The following MAP3K5 variants were observed in gnomAD, a reference collection of about 807,000 sequenced individuals.
MAP3K5 encodes the protein mitogen-activated protein kinase kinase kinase 5.
MAP3K5 carries 56 observed loss-of-function variants against 158.7 expected under a neutral mutation model. The ratio of observed to expected loss-of-function variants is 0.35; its 90% CI spans 0.28 to 0.44. The LOEUF is 0.44. Ranked by LOEUF, MAP3K5 falls within the 20% of genes least tolerant of loss-of-function variation. The pLI is 1.00. For synonymous variants in MAP3K5, 579 were observed against 601.7 expected, an observed-to-expected ratio of 0.96 and a Z score of 0.55; for missense variants, 1,294 against 1,674.8, an observed-to-expected ratio of 0.77 and a Z score of 3.97.
In MAP3K5 at chr6:136,764,410, G is replaced by A. The variant is rs142595834; in HGVS notation, c.448+27300C>T. On this transcript the variant is annotated intron_variant, in intron 1 of 29. Transcript: ENST00000359015. The stretch of plus-strand genomic sequence containing the variant: ...CCCTCTCAGAACACAGATACCATGA[G>A]AGAAGTCCAACCGGGTCATGTGGAG... Among the ~76,000 whole-genome samples the A allele has an allele frequency of 6.6e-5, 10 of 152,286 alleles. No individual in the cohort carries two copies. In the East Asian group the frequency reaches 1.7e-3, roughly 26 times the overall value.
At chr6:136,742,089 C>T (rs1390925564) in intron 1 of MAP3K5, among the ~76,000 whole-genome samples, 1 of 152,128 alleles carries the variant, frequency 6.6e-6, no homozygotes, top group African/African-American at 2.4e-5. Context: ...CCTATATATT[C>T]AATGCAATCT....
chr6:136,625,502 A>G (rs9385769), intron 14 of MAP3K5, among the ~76,000 whole-genome samples: 10,368 of 152,266 alleles, frequency 0.068, 1,028 homozygotes, highest in African/African-American at 0.22. Context: ...ACAAAAAGAA[A>G]GCTGGTTTGT....
At position 136,613,191 on chromosome 6, in the gene MAP3K5, A is replaced by G; in HGVS notation, c.2344T>C (p.Phe782Leu). The change falls in exon 17 of 30, where the codon TTT (phenylalanine) becomes CTT (leucine). Residue 782 changes from phenylalanine to leucine, a missense_variant. Phe to Leu is a conservative substitution (Grantham distance 22, BLOSUM62 0). Around this residue, in one of 5 missense-constraint regions of MAP3K5, gnomAD observed 41 missense variants for 98.2 expected, o/e 0.42. Coordinates refer to ENST00000359015, the MANE Select transcript of MAP3K5 (RefSeq NM_005923.4). This position sits in a 1 kb window ranked among gnomAD's most constrained non-coding sequence, Gnocchi z 4.0. ...CCTTCCAGTATTTGCTTTGTATAAA[A>G]GCCAATTGTTTGCTCATTGTCTTTT... is the stretch of plus-strand genomic sequence containing the variant. ...PLKDNEQTIG[F>L]YTKQILEGLK... The G allele has an allele frequency of 6.2e-7, 1 of 1,613,604 alleles. No homozygotes were observed. Among genetic ancestry groups the G allele is most frequent in the Non-Finnish European group, 8.5e-7 (1 of 1,179,774 alleles).
chr6:136,667,838 C>T (rs541816932), intron 8 of MAP3K5, among the ~76,000 whole-genome samples: 3 of 151,244 alleles, frequency 2.0e-5, no homozygotes, highest in Admixed American at 2.0e-4. Context: ...AGAGTGAGAC[C>T]CTGTCTCAGA....
chr6:136,741,897 A>T (rs1782722702), intron 1 of MAP3K5, among the ~76,000 whole-genome samples: 1 of 152,218 alleles, frequency 6.6e-6, no homozygotes, highest in African/African-American at 2.4e-5. Flanking sequence ...CATTTACATT[A>T]GCACCCCCAA....
At position 136,583,704 on chromosome 6, in the gene MAP3K5, T is replaced by A. The variant is rs1462066649; in HGVS notation, c.3262A>T (p.Thr1088Ser). Reference protein sequence around the residue: ...EEPKLKWEHITTLIASLREFV... With the variant: ...EEPKLKWEHISTLIASLREFV... ...TCTCTGAGGCTTGCAATGAGGGTTG[T>A]GATGTGTTCCCATTTTAGTTTCGGT... Residue 1088 changes from threonine to serine, a missense_variant, in exon 24 of 30, where the codon ACA becomes TCA. This residue lies in a region of MAP3K5 where 362 missense variants were observed against 463.2 expected (regional missense o/e 0.78). Transcript: ENST00000359015. The A allele has an allele frequency of 6.2e-7, 1 of 1,614,124 alleles. No homozygotes were observed. Among genetic ancestry groups the A allele is most frequent in the Non-Finnish European group, 8.5e-7 (1 of 1,180,046 alleles).
At chr6:136,693,988 A>AAAAAT (rs576549669) in intron 7 of MAP3K5, 152 bp downstream of exon 7, 101 of 618,416 alleles carry the variant, frequency 1.6e-4, no homozygotes, top group Middle Eastern at 1.4e-3. Context: ...ACTCCATCTC[A>AAAAAT]AAAATAAAAT....
chr6:136,683,365 C>T (rs1752751653), intron 7 of MAP3K5, among the ~76,000 whole-genome samples: 2 of 152,212 alleles, frequency 1.3e-5, no homozygotes, highest in South Asian at 4.1e-4. Flanking sequence ...CCCCTCGACA[C>T]TGGTGCAGCT....
intron 3 of MAP3K5, among the ~76,000 whole-genome samples, chr6:136,700,726 A>T (rs901767278): frequency 6.6e-6 from 1 of 152,206 alleles, no homozygotes; most frequent in Non-Finnish European, 1.5e-5. Context: ...ATTGAAACAT[A>T]AAATAGTTTC....
chr6:136,732,744 C>G (rs1453860707), intron 1 of MAP3K5, among the ~76,000 whole-genome samples: 2 of 152,286 alleles, frequency 1.3e-5, no homozygotes, highest in African/African-American at 4.8e-5. Context: ...ATAGTAACAA[C>G]GCTTACAACT....
chr6:136,635,543 G>A (rs1208108347), intron 14 of MAP3K5, among the ~76,000 whole-genome samples: 2 of 151,880 alleles, frequency 1.3e-5, no homozygotes, highest in Admixed American at 6.6e-5. Context: ...AAATATCAAA[G>A]CTATACAATT....
At chr6:136,746,333 G>A (rs1782957859) in intron 1 of MAP3K5, among the ~76,000 whole-genome samples, 1 of 152,118 alleles carries the variant, frequency 6.6e-6, no homozygotes, top group South Asian at 2.1e-4. Context: ...GTAGGTCTGT[G>A]AAAAACGATA....
chr6:136,757,665 G>T (rs1783566648), intron 1 of MAP3K5, among the ~76,000 whole-genome samples: 1 of 144,168 alleles, frequency 6.9e-6, no homozygotes, highest in South Asian at 2.1e-4. Flanking sequence ...TTGGCTCACT[G>T]CAACCTCCAC....
intron 8 of MAP3K5, among the ~76,000 whole-genome samples, chr6:136,661,227 G>A (rs781411645): frequency 2.0e-5 from 3 of 151,856 alleles, no homozygotes; most frequent in Non-Finnish European, 2.9e-5. Flanking sequence ...ACTTTTTATC[G>A]TATAATTCCA....
rs572397859 is a variant in MAP3K5 at position 136,724,151 on chromosome 6, G to A, written c.449-3562C>T. 5.9e-5 allele frequency among the ~76,000 whole-genome samples: 9 copies of A among 152,158 alleles called. 1 individual carries two copies. The highest frequency in any genetic ancestry group is 2.2e-4 in the African/African-American group (9 of 41,538). On this transcript the variant is annotated intron_variant, in intron 1 of 29. Coordinates refer to ENST00000359015, the MANE Select transcript of MAP3K5 (RefSeq NM_005923.4). ...ACTAGCTAAGTTAAAGTAATGAAAG[G>A]AGGGGATAAATTTTTCCAGAGAACT...
chr6:136,706,448 C>T (rs866579234), intron 2 of MAP3K5, among the ~76,000 whole-genome samples: 6 of 152,052 alleles, frequency 3.9e-5, no homozygotes, highest in African/African-American at 7.2e-5. Flanking sequence ...ACCGGAGAGA[C>T]GATCTAGAAA....
At chr6:136,635,883 G>A (rs541354268) in intron 14 of MAP3K5, among the ~76,000 whole-genome samples, 58 of 151,976 alleles carry the variant, frequency 3.8e-4, no homozygotes, top group African/African-American at 1.3e-3. Context: ...AGCAAGAGCC[G>A]GTCTCAAAAA....
At chr6:136,719,071 G>A (rs985397027) in intron 2 of MAP3K5, among the ~76,000 whole-genome samples, 3 of 152,132 alleles carry the variant, frequency 2.0e-5, no homozygotes, top group Admixed American at 6.6e-5. Context: ...AGCTACTCAG[G>A]AGGCTGAGGA....
chr6:136,560,470 T>C (rs1377741031), intron 28 of MAP3K5, among the ~76,000 whole-genome samples: 6 of 151,814 alleles, frequency 4.0e-5, no homozygotes, highest in Admixed American at 2.0e-4. Context: ...CAGAGTGAGA[T>C]TGTGTCTCAA....
Sources: allele counts gnomAD v4.1 joint callset (sites outside exome capture counted in the v4.1 genomes callset), GRCh38; gene constraint gnomAD v4.1.1; regional missense constraint gnomAD v4.1.1; non-coding constraint Gnocchi (gnomAD v3.1); transcripts MANE v1.5; gene names NCBI Gene and HGNC (gene_info 2026-07-23, HGNC 2026-07-21).